PCCB: variants seen among roughly 807,000 people sequenced by gnomAD.
PCCB encodes propionyl-CoA carboxylase beta chain, mitochondrial.
A neutral mutation model predicts 60.7 loss-of-function variants in PCCB; 43 were observed. That is an observed-to-expected ratio of 0.71 (90% CI 0.55 to 0.91). PCCB has a LOEUF of 0.91. Ranked by LOEUF, PCCB falls within the 40% of genes least tolerant of loss-of-function variation. PCCB has a pLI of 0.00. For missense variants in PCCB, 766 were observed against 702.8 expected (o/e 1.09, Z -1.02); for synonymous variants, 276 against 255.9 (o/e 1.08, Z -0.75).
At chr3:136,326,632 C>T (rs1354423033) in intron 10 of PCCB, among the ~76,000 whole-genome samples, 171 bp from the exon 11 acceptor site, 2 of 152,196 alleles carry the variant, frequency 1.3e-5, no homozygotes, top group Admixed American at 6.5e-5. Context: ...GTGGATTCTT[C>T]ATCTTCCCTG....
chr3:136,289,878 T>C (rs1933595044), intron 6 of PCCB, among the ~76,000 whole-genome samples: 1 of 151,968 alleles, frequency 6.6e-6, no homozygotes, highest in Non-Finnish European at 1.5e-5. Context: ...ACTTTTCTGC[T>C]TCCCAGGTTG....
At position 136,317,009 on chromosome 3, in the gene PCCB, A is replaced by G. The variant is rs758680988; in HGVS notation, c.1035A>G (p.Ala345=). Residue 345 remains alanine (A), a synonymous_variant, in exon 10 of 15, where the codon GCA becomes GCG. Coordinates refer to ENST00000251654, the MANE Select transcript of PCCB (RefSeq NM_000532.5). ...CCAAGAACATCATTGTTGGTTTTGCAAGAATGAATGGGAGGACTGTTGGAA... is the reference window on the plus strand; with the variant it reads ...CCAAGAACATCATTGTTGGTTTTGCGAGAATGAATGGGAGGACTGTTGGAA... ...NYAKNIIVGF[A]RMNGRTVGIV... 6 of 1,614,020 alleles carry G rather than the reference A, an allele frequency of 3.7e-6. No individual in the cohort carries two copies. In the South Asian group the frequency reaches 5.5e-5, roughly 15 times the overall value.
chr3:136,272,665 T>A (rs892596029), intron 5 of PCCB, among the ~76,000 whole-genome samples: 5 of 152,210 alleles, frequency 3.3e-5, no homozygotes, highest in Non-Finnish European at 7.3e-5. Context: ...TTGAGTGATC[T>A]TTTGTATTTC....
intron 9 of PCCB, among the ~76,000 whole-genome samples, chr3:136,308,619 C>T (rs1230224310): frequency 6.6e-6 from 1 of 152,144 alleles, no homozygotes; most frequent in African/African-American, 2.4e-5. Context: ...ACTTTACACC[C>T]TGGTAATGAA....
At position 136,262,013 on chromosome 3, in the gene PCCB, C is replaced by T; in HGVS notation, c.491C>T (p.Ala164Val). The change falls in exon 5 of 15, where the codon GCA becomes GTA. Residue 164 changes from alanine to valine, a missense_variant. By Grantham distance (64) the Ala-to-Val change is moderately conservative. Coordinates refer to ENST00000251654, the MANE Select transcript of PCCB (RefSeq NM_000532.5). ...ATTGGGCTGAATGACTCTGGGGGAGCACGGATCCAAGAAGGAGTGGAGTCT... is the reference window on the plus strand; with the variant it reads ...ATTGGGCTGAATGACTCTGGGGGAGTACGGATCCAAGAAGGAGTGGAGTCT... ...PVIGLNDSGG[A>V]RIQEGVESLA... The T allele has an allele frequency of 6.4e-7, 1 of 1,561,404 alleles. No homozygotes were observed. The highest frequency in any genetic ancestry group is 1.7e-4 in the Middle Eastern group (1 of 5,998).
chr3:136,254,343 C>G (rs897998680), intron 1 of PCCB, among the ~76,000 whole-genome samples: 2 of 151,190 alleles, frequency 1.3e-5, no homozygotes, highest in African/African-American at 4.9e-5. Flanking sequence ...CTCAGCCTCC[C>G]GAGTAGCTGG....
intron 5 of PCCB, among the ~76,000 whole-genome samples, chr3:136,263,353 C>A (rs770363132): frequency 1.3e-4 from 19 of 151,140 alleles, no homozygotes; most frequent in Non-Finnish European, 2.8e-4. Context: ...GCAACCTCAG[C>A]CTCCTGGGCT....
At chr3:136,273,590 C>CTTTTTTTTTTTTTTTT (rs1942257481) in intron 5 of PCCB, among the ~76,000 whole-genome samples, 42 of 65,582 alleles carry the variant, frequency 6.4e-4, no homozygotes, top group South Asian at 1.5e-3. Context: ...TTTTTTTTTT[C>CTTTTTTTTTTTTTTTT]TTTTTTCTTT....
At chr3:136,274,027 T>A (rs1171308030) in intron 5 of PCCB, among the ~76,000 whole-genome samples, 2 of 151,928 alleles carry the variant, frequency 1.3e-5, no homozygotes, top group African/African-American at 4.8e-5. Context: ...TCCTTATGTG[T>A]TAGATGACTC....
chr3:136,264,442 ATATATG>A lies in PCCB; in HGVS notation c.543+2383_543+2388del, dbSNP rs201306891. 1.1e-4 allele frequency among the ~76,000 whole-genome samples: 11 copies of A among 99,268 alleles called. No homozygotes were observed. In the South Asian group the frequency reaches 2.4e-3, roughly 21 times the overall value. The allele number at this position is 99,268 out of a possible 152,430, so 65.1% of individuals were successfully genotyped here. A position where few individuals can be genotyped will look rare whatever the true frequency, so the allele number is the denominator to read the frequency against. On this transcript the variant is annotated intron_variant, in intron 5 of 14. Coordinates refer to ENST00000251654, the MANE Select transcript of PCCB (RefSeq NM_000532.5). ...GTCTCTCATATATATGTGTGTGTGTATATATGTATATATATATATGTTCCTCCTGGC... is the reference window on the plus strand; with the variant it reads ...GTCTCTCATATATATGTGTGTGTGTATATATATATATATGTTCCTCCTGGC...
intron 5 of PCCB, among the ~76,000 whole-genome samples, chr3:136,278,916 A>G (rs1017527935): frequency 2.0e-5 from 3 of 151,918 alleles, no homozygotes; most frequent in East Asian, 1.9e-4. Flanking sequence ...TTGTGCACCT[A>G]TTTCTCCCCA....
In PCCB at chr3:136,286,785, C is replaced by T. The variant is rs191604723; in HGVS notation, c.654+2838C>T. 3.5e-4 allele frequency among the ~76,000 whole-genome samples: 54 copies of T among 152,214 alleles called. No individual in the cohort carries two copies. In the East Asian group the frequency reaches 0.01, roughly 28 times the overall value. On this transcript the variant is annotated intron_variant, in intron 6 of 14. Transcript: ENST00000251654. ...TGGGAGCTGAAGGTTGCAGTGAGCGCTTTGGGAGGCTGAGGCGGGTGGATC... is the reference window on the plus strand; with the variant it reads ...TGGGAGCTGAAGGTTGCAGTGAGCGTTTTGGGAGGCTGAGGCGGGTGGATC...
chr3:136,292,893 T>G (rs1933763396), intron 6 of PCCB, among the ~76,000 whole-genome samples: 1 of 152,234 alleles, frequency 6.6e-6, no homozygotes, highest in Non-Finnish European at 1.5e-5. Flanking sequence ...CTGTAGACTT[T>G]CCACTGTATC....
At chr3:136,267,682 C>G (rs1294519476) in intron 5 of PCCB, among the ~76,000 whole-genome samples, 1 of 151,380 alleles carries the variant, frequency 6.6e-6, no homozygotes, top group African/African-American at 2.4e-5. Flanking sequence ...GGTGAGGGTC[C>G]CACTATGTTG....
chr3:136,251,213 C>T, intron 1 of PCCB: 1 of 456,588 alleles, frequency 2.2e-6, no homozygotes, highest in Non-Finnish European at 4.4e-6. Context: ...GCAGTTGAAA[C>T]ACTGCCACCC....
intron 5 of PCCB, among the ~76,000 whole-genome samples, chr3:136,281,035 C>T (rs951540510): frequency 4.6e-5 from 7 of 152,290 alleles, no homozygotes; most frequent in African/African-American, 1.7e-4. Context: ...GGATCAGTTG[C>T]TTCTATCTTG....
chr3:136,288,257 A>G (rs756193895), intron 6 of PCCB, among the ~76,000 whole-genome samples: 12 of 152,278 alleles, frequency 7.9e-5, no homozygotes, highest in Non-Finnish European at 1.6e-4. Context: ...TAGATGAAGT[A>G]TGTCCATCAT....
At position 136,276,424 on chromosome 3, in the gene PCCB, T is replaced by C. The variant is rs185892827; in HGVS notation, c.544-7413T>C. On this transcript the variant is annotated intron_variant, in intron 5 of 14. Transcript: ENST00000251654. Reference sequence around the variant, plus strand: ...CACCTCAGCTCCTTTGCCAGGCCAGTAGGAAAGCTATTCACCTCCCAGACT... The same window carrying C: ...CACCTCAGCTCCTTTGCCAGGCCAGCAGGAAAGCTATTCACCTCCCAGACT... Among the ~76,000 whole-genome samples, 49 of 152,258 alleles carry C rather than the reference T, an allele frequency of 3.2e-4. No individual in the cohort carries two copies. In the Middle Eastern group the frequency reaches 0.01, roughly 32 times the overall value.
At position 136,260,515 on chromosome 3, in the gene PCCB, C is replaced by T; in HGVS notation, c.409C>T (p.His137Tyr). The change falls in exon 4 of 15, where the codon CAT (histidine) becomes TAT (tyrosine). Residue 137 changes from histidine (H) to tyrosine (Y), a missense_variant. His to Tyr is a moderately conservative substitution (Grantham distance 83). Transcript: ENST00000251654. Reference sequence around the variant, plus strand: ...TTTTGGAGGCAGTCTGTCAGGAGCACATGCCCAAAAGATCTGCAAAGTAAG... The same window carrying T: ...TTTTGGAGGCAGTCTGTCAGGAGCATATGCCCAAAAGATCTGCAAAGTAAG... ...TVFGGSLSGA[H>Y]AQKICKIMDQ... is the part of the protein sequence containing the mutation. 1 of 1,613,522 alleles carries T rather than the reference C, an allele frequency of 6.2e-7. No individual in the cohort carries two copies. Among genetic ancestry groups the T allele is most frequent in the Non-Finnish European group, 8.5e-7 (1 of 1,179,524 alleles).
Sources: gnomAD v4.1 joint callset for allele counts (sites outside exome capture counted in the v4.1 genomes callset) on GRCh38, gnomAD v4.1.1 for gene constraint, MANE v1.5 for transcripts, NCBI Gene and HGNC (gene_info 2026-07-23, HGNC 2026-07-21) for gene names.